LRRC37A2: variants seen among roughly 807,000 people sequenced by gnomAD.
LRRC37A2 encodes the protein leucine-rich repeat-containing protein 37A2.
In LRRC37A2, 9 loss-of-function variants were observed where a neutral mutation model predicts 68.8. That is an observed-to-expected ratio of 0.13 (90% CI 0.08 to 0.23). LRRC37A2 has a LOEUF of 0.23. Ranked by LOEUF, LRRC37A2 falls within the 10% of genes least tolerant of loss-of-function variation. The pLI, the probability that LRRC37A2 is intolerant of heterozygous loss-of-function variation, is 1.00. For synonymous variants in LRRC37A2, 63 were observed against 367.6 expected, an observed-to-expected ratio of 0.17 and a Z score of 9.48; for missense variants, 168 against 950.4, an observed-to-expected ratio of 0.18 and a Z score of 10.82.
intron 6 of LRRC37A2, among the ~76,000 whole-genome samples, chr17:46,534,452 G>A (rs1598406940): frequency 2.7e-5 from 4 of 148,820 alleles, no homozygotes; most frequent in Non-Finnish European, 3.0e-5. Flanking sequence ...ATCTTGCACC[G>A]CCCTTAATCC....
At chr17:46,874,879 G>C in the LRRC37A2 span, 7 of 697,996 alleles carry the variant, frequency 1.0e-5, no homozygotes, top group Non-Finnish European at 1.8e-5. Flanking sequence ...TGCCCAGCCT[G>C]GAAGTTCCAT....
chr17:46,801,873 G>A, the LRRC37A2 span, among the ~76,000 whole-genome samples: 72 of 152,246 alleles, frequency 4.7e-4, no homozygotes, highest in Non-Finnish European at 7.8e-4. Context: ...GTGCCAGTTC[G>A]ACCCTAGTGG....
the LRRC37A2 span, among the ~76,000 whole-genome samples, chr17:46,971,151 G>A: frequency 3.9e-4 from 59 of 152,134 alleles, 1 homozygote; most frequent in Admixed American, 3.1e-3. Context: ...CAGCGTGGCC[G>A]ACATGGTGAA....
chr17:46,813,254 C>A, the LRRC37A2 span, among the ~76,000 whole-genome samples: 1 of 151,680 alleles, frequency 6.6e-6, no homozygotes, highest in Admixed American at 6.6e-5. Flanking sequence ...GCAAAAGGGA[C>A]CCCTCCATGT....
chr17:46,754,872 A>G, the LRRC37A2 span, among the ~76,000 whole-genome samples: 2 of 152,376 alleles, frequency 1.3e-5, no homozygotes, highest in South Asian at 2.1e-4. Flanking sequence ...TTGGTTATGT[A>G]GAGTTAATAA....
chr17:46,488,637 A>G, the LRRC37A2 span, among the ~76,000 whole-genome samples: 1 of 124,772 alleles, frequency 8.0e-6, no homozygotes, highest in Non-Finnish European at 1.7e-5. Context: ...CCCAGGAGGC[A>G]GAGGTTGCAG....
the LRRC37A2 span, among the ~76,000 whole-genome samples, chr17:46,843,373 C>T: frequency 0.19 from 29,589 of 152,002 alleles, 3,550 homozygotes; most frequent in East Asian, 0.5. Flanking sequence ...GGTTTCCTTT[C>T]AAACGTTTGT....
chr17:46,892,978 C>T, the LRRC37A2 span, among the ~76,000 whole-genome samples: 1 of 151,808 alleles, frequency 6.6e-6, no homozygotes, highest in Non-Finnish European at 1.5e-5. Flanking sequence ...GCTCTGTTGC[C>T]CAGGCTGGAG....
At chr17:46,922,614 C>T in the LRRC37A2 span, among the ~76,000 whole-genome samples, 1 of 152,248 alleles carries the variant, frequency 6.6e-6, no homozygotes, top group African/African-American at 2.4e-5. Context: ...ACCCGGTTTT[C>T]CCTACTTTAC....
the LRRC37A2 span, among the ~76,000 whole-genome samples, chr17:47,011,185 T>G: frequency 6.6e-6 from 1 of 152,110 alleles, no homozygotes; most frequent in Non-Finnish European, 1.5e-5. Flanking sequence ...AACATACACC[T>G]ACTTTAAGGG....
the LRRC37A2 span, among the ~76,000 whole-genome samples, chr17:46,969,945 G>A: frequency 2.6e-5 from 4 of 152,148 alleles, no homozygotes; most frequent in Non-Finnish European, 4.4e-5. Context: ...GGTGATGTGC[G>A]GGGTGGGGGA....
the LRRC37A2 span, among the ~76,000 whole-genome samples, chr17:46,969,981 G>C: frequency 0.02 from 3,073 of 152,260 alleles, 87 homozygotes; most frequent in Admixed American, 0.072. Flanking sequence ...TGTGCAAGCA[G>C]ACACCGGGGG....
chr17:46,989,916 C>A, the LRRC37A2 span, among the ~76,000 whole-genome samples: 1 of 152,230 alleles, frequency 6.6e-6, no homozygotes, highest in East Asian at 1.9e-4. Flanking sequence ...CAGAGCGAGA[C>A]CAGCAGAGCT....
the LRRC37A2 span, among the ~76,000 whole-genome samples, chr17:47,037,480 T>C: frequency 6.6e-6 from 1 of 152,206 alleles, no homozygotes; most frequent in Non-Finnish European, 1.5e-5. Flanking sequence ...AATCGTGCTA[T>C]TATTATCTGC....
chr17:46,733,788 A>T, the LRRC37A2 span, among the ~76,000 whole-genome samples: 1 of 152,046 alleles, frequency 6.6e-6, no homozygotes, highest in African/African-American at 2.4e-5. Flanking sequence ...AAGAATTACC[A>T]CTCCAACGTC....
the LRRC37A2 span, among the ~76,000 whole-genome samples, chr17:46,493,629 C>T: frequency 6.7e-6 from 1 of 148,676 alleles, no homozygotes; most frequent in East Asian, 2.0e-4. Context: ...GCTCCCCCTC[C>T]CGGGTTCACA....
rs751825600 is a variant in LRRC37A2 at position 46,549,093 on chromosome 17, A to C, written c.3954A>C (p.Thr1318=). ...CTCGCTCCCACGTGACCCACAGAAC[A>C]CCCAAAGTCAAAAAGAGTCCAAAGG... The change falls in exon 10 of 15, where the codon ACA becomes ACC. Residue 1318 remains threonine (T), a synonymous_variant. Coordinates refer to ENST00000576629, the Ensembl canonical transcript of LRRC37A2. The C allele has an allele frequency of 5.8e-4, 928 of 1,612,006 alleles. 67 individuals are homozygous for C. In the East Asian group the frequency reaches 0.019, roughly 34 times the overall value.
the LRRC37A2 span, among the ~76,000 whole-genome samples, chr17:46,734,146 T>C: frequency 1.6e-4 from 25 of 152,202 alleles, no homozygotes; most frequent in Non-Finnish European, 3.5e-4. Flanking sequence ...TTGATAATAT[T>C]AAGCAACTCT....
the LRRC37A2 span, chr17:46,930,263 G>A: frequency 6.6e-6 from 1 of 152,140 alleles, no homozygotes; most frequent in Non-Finnish European, 1.5e-5. Context: ...GTTCACTGTG[G>A]GCACAAAGGG....
Sources: gnomAD v4.1 joint callset for allele counts (sites outside exome capture counted in the v4.1 genomes callset) on GRCh38, gnomAD v4.1.1 for gene constraint, MANE v1.5 for transcripts, NCBI Gene and HGNC (gene_info 2026-07-23, HGNC 2026-07-21) for gene names.